The following LHFPL3 variants were observed in gnomAD, a reference collection of about 807,000 sequenced individuals.
LHFPL3 encodes the protein LHFPL tetraspan subfamily member 3 protein.
LHFPL3 carries 5 observed loss-of-function variants against 19.3 expected under a neutral mutation model. The ratio of observed to expected loss-of-function variants is 0.26; its 90% CI spans 0.14 to 0.54. The LOEUF (loss-of-function observed/expected upper bound fraction) is 0.54, where lower values mean the gene tolerates loss of function less well. Among genes scored for constraint, LHFPL3 ranks in the 20% least tolerant of loss-of-function variants. The pLI, the probability that LHFPL3 is intolerant of heterozygous loss-of-function variation, is 0.94. For missense variants in LHFPL3, 249 were observed against 307.4 expected, an observed-to-expected ratio of 0.81 and a Z score of 1.42; for synonymous variants, 133 against 126.2, an observed-to-expected ratio of 1.05 and a Z score of -0.36.
intron 1 of LHFPL3, among the ~76,000 whole-genome samples, chr7:104,434,628 T>C (rs1792066442): frequency 6.6e-6 from 1 of 152,214 alleles, no homozygotes; most frequent in African/African-American, 2.4e-5. Flanking sequence ...TAATTTTTTA[T>C]TGAACTTGTA....
intron 1 of LHFPL3, among the ~76,000 whole-genome samples, chr7:104,725,256 G>A (rs1017506166): frequency 6.6e-6 from 1 of 152,028 alleles, no homozygotes; most frequent in Non-Finnish European, 1.5e-5. Context: ...CAAGACAGAA[G>A]GACTTTGAGA....
chr7:104,668,327 C>G, intron 1 of LHFPL3: 1 of 1,597,908 alleles, frequency 6.3e-7, no homozygotes, highest in Non-Finnish European at 8.6e-7. Context: ...GGGATTCTGA[C>G]AAAACAGATA....
At chr7:104,777,971 C>T (rs1003187439) in intron 2 of LHFPL3, among the ~76,000 whole-genome samples, 1 of 152,282 alleles carries the variant, frequency 6.6e-6, no homozygotes, top group South Asian at 2.1e-4. Flanking sequence ...AGAGAGACAT[C>T]TGGGATGTAT....
Position 104,371,545 on chromosome 7 carries a change from T to G in LHFPL3, c.445+42321T>G, listed in dbSNP as rs191146323. Reference sequence around the variant, plus strand: ...GAGTTTCAGAATATAGCTCACTGTTTTCACTTCGGACTGAAACTTTATGCT... The same window carrying G: ...GAGTTTCAGAATATAGCTCACTGTTGTCACTTCGGACTGAAACTTTATGCT... On this transcript the variant is annotated intron_variant, in intron 1 of 2. Transcript: ENST00000424859. Among the ~76,000 whole-genome samples the G allele has an allele frequency of 5.3e-5, 8 of 152,350 alleles. No individual in the cohort carries two copies. The East Asian group carries it at 1.3e-3, about 26-fold the overall frequency.
intron 1 of LHFPL3, among the ~76,000 whole-genome samples, chr7:104,601,297 CAT>C (rs528464960): frequency 5.8e-4 from 88 of 152,228 alleles, no homozygotes; most frequent in African/African-American, 2.0e-3. Context: ...GTGACTAAAC[CAT>C]ATCTCTTAAC....
chr7:104,386,415 C>T (rs10953428), intron 1 of LHFPL3, among the ~76,000 whole-genome samples: 51,792 of 151,990 alleles, frequency 0.34, 9,178 homozygotes, highest in Admixed American at 0.49. Context: ...ACAACTGGGG[C>T]AAACAAGAGC....
chr7:104,554,512 G>C (rs563996286), intron 1 of LHFPL3, among the ~76,000 whole-genome samples: 1 of 152,146 alleles, frequency 6.6e-6, no homozygotes, highest in African/African-American at 2.4e-5. Flanking sequence ...GACTAAATGT[G>C]TGAGTCCCCC....
intron 2 of LHFPL3, among the ~76,000 whole-genome samples, chr7:104,854,565 TGA>T (rs998424918): frequency 2.0e-5 from 3 of 152,224 alleles, no homozygotes; most frequent in African/African-American, 4.8e-5. Context: ...TCATTAATTA[TGA>T]GAGACTCTCT....
chr7:104,635,327 G>A (rs1791710842), intron 1 of LHFPL3, among the ~76,000 whole-genome samples: 1 of 152,064 alleles, frequency 6.6e-6, no homozygotes, highest in Non-Finnish European at 1.5e-5. Context: ...AGTTTGAAAA[G>A]GCTTCCAAGT....
At chr7:104,636,826 A>G (rs1405509802) in intron 1 of LHFPL3, among the ~76,000 whole-genome samples, 1 of 152,218 alleles carries the variant, frequency 6.6e-6, no homozygotes, top group Non-Finnish European at 1.5e-5. Flanking sequence ...TGCTATTGGG[A>G]ATAGTGCTGC....
chr7:104,554,675 A>T (rs10277448), intron 1 of LHFPL3, among the ~76,000 whole-genome samples: 3,620 of 151,264 alleles, frequency 0.024, 138 homozygotes, highest in African/African-American at 0.084. Flanking sequence ...AGATAGATAG[A>T]TAGATAGATA....
At chr7:104,330,258 T>A (rs961612946) in intron 1 of LHFPL3, among the ~76,000 whole-genome samples, 1 of 152,240 alleles carries the variant, frequency 6.6e-6, no homozygotes, top group Non-Finnish European at 1.5e-5. Context: ...GTGACACATT[T>A]CTGTTCCAAC....
intron 2 of LHFPL3, among the ~76,000 whole-genome samples, chr7:104,823,559 G>T (rs1034818926): frequency 6.6e-6 from 1 of 152,098 alleles, no homozygotes. Context: ...TATGAAAATT[G>T]TATTTCACAG....
chr7:104,459,396 G>A (rs938697287), intron 1 of LHFPL3, among the ~76,000 whole-genome samples: 1 of 152,154 alleles, frequency 6.6e-6, no homozygotes, highest in Non-Finnish European at 1.5e-5. Flanking sequence ...TTGGGCATTG[G>A]ACTTGATTCT....
chr7:104,892,772 G>A (rs910981404), intron 2 of LHFPL3, among the ~76,000 whole-genome samples: 1 of 151,110 alleles, frequency 6.6e-6, no homozygotes, highest in Non-Finnish European at 1.5e-5. Context: ...ACATTATGGG[G>A]TAGATCCTTC....
chr7:104,824,702 TTATA>T (rs1218980612), intron 2 of LHFPL3, among the ~76,000 whole-genome samples: 1 of 101,466 alleles, frequency 9.9e-6, no homozygotes, highest in Non-Finnish European at 1.8e-5. Flanking sequence ...ATTATATATA[TTATA>T]TATATAATTA....
chr7:104,862,033 G>T (rs991814476), intron 2 of LHFPL3, among the ~76,000 whole-genome samples: 1 of 152,100 alleles, frequency 6.6e-6, no homozygotes, highest in Non-Finnish European at 1.5e-5. Context: ...AGCTCACTCT[G>T]GCAAGCGATG....
chr7:104,869,306 T>G (rs1348811780), intron 2 of LHFPL3, among the ~76,000 whole-genome samples: 2 of 152,156 alleles, frequency 1.3e-5, no homozygotes, highest in East Asian at 3.8e-4. Context: ...ACAGGGAACC[T>G]ACAGAATGGG....
chr7:104,716,599 T>C (rs1793390964), intron 1 of LHFPL3, among the ~76,000 whole-genome samples: 1 of 152,076 alleles, frequency 6.6e-6, no homozygotes, highest in East Asian at 1.9e-4. Context: ...AGAAAATACT[T>C]AGAAATAAAC....
Sources: allele counts gnomAD v4.1 joint callset (sites outside exome capture counted in the v4.1 genomes callset), GRCh38; gene constraint gnomAD v4.1.1; transcripts MANE v1.5; gene names NCBI Gene and HGNC (gene_info 2026-07-23, HGNC 2026-07-21).